Variants in AFAP1L2 observed in about 807,000 individuals in gnomAD.
AFAP1L2 encodes the protein actin filament-associated protein 1-like 2.
AFAP1L2 carries 46 observed loss-of-function variants against 99.3 expected under a neutral mutation model. The observed-to-expected ratio is 0.46, with a 90% confidence interval of 0.37 to 0.59. The LOEUF (loss-of-function observed/expected upper bound fraction) is 0.59, where lower values mean the gene tolerates loss of function less well. Among genes scored for constraint, AFAP1L2 ranks in the 20% least tolerant of loss-of-function variants. AFAP1L2 has a pLI of 0.00. For missense variants in AFAP1L2, 959 were observed against 1,034.9 expected (o/e 0.93, Z 1.01); for synonymous variants, 397 against 419.1 (o/e 0.95, Z 0.64).
intron 1 of AFAP1L2, among the ~76,000 whole-genome samples, chr10:114,375,542 G>T (rs1453147549): frequency 1.3e-5 from 2 of 152,054 alleles, no homozygotes; most frequent in Non-Finnish European, 2.9e-5. Context: ...TTTTTAGTGG[G>T]GGTAACATTT....
At chr10:114,289,739 A>C in the AFAP1L2 span, 1 of 553,524 alleles carries the variant, frequency 1.8e-6, no homozygotes, top group Non-Finnish European at 3.2e-6. Flanking sequence ...GAATTTATGC[A>C]TTCCCTTTAA....
chr10:114,286,145 G>C, the AFAP1L2 span: 3 of 1,614,136 alleles, frequency 1.9e-6, no homozygotes, highest in Non-Finnish European at 2.5e-6. Flanking sequence ...GGAGTACCAG[G>C]ATGTGCCTGA....
chr10:114,332,784 A>G (rs1400061505), intron 3 of AFAP1L2, among the ~76,000 whole-genome samples: 1 of 152,244 alleles, frequency 6.6e-6, no homozygotes, highest in Admixed American at 6.5e-5. Flanking sequence ...ACGTTCCGCC[A>G]AAGTCAGCAC....
At chr10:114,282,679 T>C in the AFAP1L2 span, 213 of 963,246 alleles carry the variant, frequency 2.2e-4, 1 homozygote, top group Admixed American at 3.9e-3. Context: ...TGTGACTGGC[T>C]CCAGGGCAGA....
intron 1 of AFAP1L2, among the ~76,000 whole-genome samples, chr10:114,365,708 T>C (rs2053127568): frequency 7.2e-6 from 1 of 139,108 alleles, no homozygotes; most frequent in Non-Finnish European, 1.6e-5. Flanking sequence ...TTTTCTTTTT[T>C]CTTTCTCTCT....
chr10:114,331,168 T>C lies in AFAP1L2; in HGVS notation c.315+635A>G, dbSNP rs1350680545. Among the ~76,000 whole-genome samples the C allele has an allele frequency of 2.0e-5, 3 of 152,026 alleles. No homozygotes were observed. In the South Asian group the frequency reaches 6.2e-4, roughly 32 times the overall value. On this transcript the variant is annotated intron_variant, in intron 4 of 18. Coordinates refer to ENST00000304129, the MANE Select transcript of AFAP1L2 (RefSeq NM_001001936.3). ...GGAACGGGATTTTTTTTTTTCTATGTTTAATAAGAACTACTGGTAAGGTTC... is the reference window on the plus strand; with the variant it reads ...GGAACGGGATTTTTTTTTTTCTATGCTTAATAAGAACTACTGGTAAGGTTC...
rs749476426 is a variant in AFAP1L2 at position 114,301,366 on chromosome 10, C to T, written c.1530G>A (p.Glu510=). ...EELYDDVDLS[E]LTAAVEPTEE... Reference sequence around the variant, plus strand: ...GCCGGGTCCTTACCGCAGCTGTGAGCTCTGACAGGTCCACGTCGTCATACA... The same window carrying T: ...GCCGGGTCCTTACCGCAGCTGTGAGTTCTGACAGGTCCACGTCGTCATACA... The change falls in exon 13 of 19, where the codon GAG becomes GAA. Residue 510 remains glutamate, a synonymous_variant. Coordinates refer to ENST00000304129, the MANE Select transcript of AFAP1L2 (RefSeq NM_001001936.3). 2.4e-5 allele frequency: 39 copies of T among 1,613,962 alleles called. No individual in the cohort carries two copies. Among genetic ancestry groups the T allele is most frequent in the Non-Finnish European group, 3.2e-5 (38 of 1,179,896 alleles).
chr10:114,379,814 T>G (rs1370132197), intron 1 of AFAP1L2, among the ~76,000 whole-genome samples: 1 of 152,204 alleles, frequency 6.6e-6, no homozygotes, highest in Non-Finnish European at 1.5e-5. Context: ...TAAGCAGGTC[T>G]TTTCCTTGAG....
intron 2 of AFAP1L2, among the ~76,000 whole-genome samples, chr10:114,338,986 G>C (rs1048943739): frequency 2.0e-5 from 3 of 152,162 alleles, no homozygotes; most frequent in Non-Finnish European, 2.9e-5. Context: ...TATTGGGCAG[G>C]TTAAACTCTC....
intron 4 of AFAP1L2, among the ~76,000 whole-genome samples, chr10:114,326,517 G>A (rs139837523): frequency 6.6e-6 from 1 of 152,186 alleles, no homozygotes; most frequent in Non-Finnish European, 1.5e-5. Context: ...AGGGTAACTT[G>A]AATCTGTGCT....
chr10:114,386,140 C>A (rs966977598), intron 1 of AFAP1L2, among the ~76,000 whole-genome samples: 1 of 152,146 alleles, frequency 6.6e-6, no homozygotes, highest in Non-Finnish European at 1.5e-5. Context: ...CCCAGGCCCT[C>A]GGTAACCTCA....
At position 114,318,894 on chromosome 10, in the gene AFAP1L2, C is replaced by G. The variant is rs532843411; in HGVS notation, c.407-3129G>C. ...CTTGGCCAGGCATGGTGGCTCATGC[C>G]TGTAATTCCAGTACTTTGGAAGGCT... On this transcript the variant is annotated intron_variant, in intron 5 of 18. Coordinates refer to ENST00000304129, the MANE Select transcript of AFAP1L2 (RefSeq NM_001001936.3). Among the ~76,000 whole-genome samples, 78 of 152,220 alleles carry G rather than the reference C, an allele frequency of 5.1e-4. 2 individuals carry two copies. The South Asian group carries it at 0.015, about 29-fold the overall frequency.
rs750411935 is a variant in AFAP1L2 at position 114,297,248 on chromosome 10, G to C, written c.2279C>G (p.Thr760Ser). Residue 760 changes from threonine (T) to serine (S), a missense_variant, in exon 17 of 19, where the codon ACC (threonine) becomes AGC (serine). By Grantham distance (58) the Thr-to-Ser change is moderately conservative. Around this residue, in one of 2 missense-constraint regions of AFAP1L2, gnomAD observed 576 missense variants for 562.1 expected, o/e 1.02. Coordinates refer to ENST00000304129, the MANE Select transcript of AFAP1L2 (RefSeq NM_001001936.3). Reference protein sequence around the residue: ...GPVTLGTTVDTTHLENVSPRP... With the variant: ...GPVTLGTTVDSTHLENVSPRP... The stretch of plus-strand genomic sequence containing the variant: ...GGGGCTCACATTCTCCAGGTGGGTG[G>C]TGTCCACGGTGGTGCCTAACGTCAC... 2 of 1,613,998 alleles carry C rather than the reference G, an allele frequency of 1.2e-6. No homozygotes were observed. Among genetic ancestry groups the C allele is most frequent in the Non-Finnish European group, 1.7e-6 (2 of 1,179,988 alleles).
rs745890396 is a variant in AFAP1L2, at chr10:114,340,819, A to AC, written c.17-89dup. 3 of 1,574,754 alleles carry AC rather than the reference A, an allele frequency of 1.9e-6. No homozygotes were observed. The African/African-American group carries it at 4.1e-5, about 21-fold the overall frequency. ...ACACCTCGGGACCCTGCAGCCTCCCACCTCGAACCCTCTGGTCCCAAGAGG... is the reference window on the plus strand; with the variant it reads ...ACACCTCGGGACCCTGCAGCCTCCCACCCTCGAACCCTCTGGTCCCAAGAGG... On this transcript the variant is annotated intron_variant, in intron 1 of 18. Transcript: ENST00000304129.
chr10:114,336,232 C>A (rs895175316), intron 2 of AFAP1L2, among the ~76,000 whole-genome samples: 3 of 152,192 alleles, frequency 2.0e-5, no homozygotes, highest in African/African-American at 4.8e-5. Context: ...AGACCTTCTG[C>A]AATTGTGGGA....
Position 114,313,857 on chromosome 10 carries a change from G to A in AFAP1L2, c.792+14C>T, listed in dbSNP as rs373827227. 43 of 1,581,064 alleles carry A rather than the reference G, an allele frequency of 2.7e-5. No homozygotes were observed. Among genetic ancestry groups the A allele is most frequent in the Middle Eastern group, 1.7e-4 (1 of 5,892 alleles). ...CTCTAGGAACCCCTCCAAGTGGCTC[G>A]GTGTCGCCCTCACCCTGAGCCACTG... On this transcript the variant is annotated intron_variant, in intron 7 of 18. Coordinates refer to ENST00000304129, the MANE Select transcript of AFAP1L2 (RefSeq NM_001001936.3).
intron 1 of AFAP1L2, among the ~76,000 whole-genome samples, chr10:114,382,157 T>C (rs1029563117): frequency 6.6e-6 from 1 of 152,238 alleles, no homozygotes; most frequent in Non-Finnish European, 1.5e-5. Flanking sequence ...AGCAATTCTA[T>C]TCTGAGATTT....
chr10:114,338,329 G>T (rs759197098), intron 2 of AFAP1L2, among the ~76,000 whole-genome samples: 4 of 152,144 alleles, frequency 2.6e-5, no homozygotes, highest in South Asian at 2.1e-4. Context: ...GCCCTTGCAC[G>T]GTCCCTGACC....
chr10:114,333,754 T>C (rs1441429474), intron 2 of AFAP1L2, among the ~76,000 whole-genome samples: 1 of 152,120 alleles, frequency 6.6e-6, no homozygotes, highest in African/African-American at 2.4e-5. Context: ...GAGTTTGCAG[T>C]GAGCTGAGAT....
Sources: gnomAD v4.1 joint callset for allele counts (sites outside exome capture counted in the v4.1 genomes callset) on GRCh38, gnomAD v4.1.1 for gene constraint, gnomAD v4.1.1 regional missense constraint, MANE v1.5 for transcripts, NCBI Gene and HGNC (gene_info 2026-07-23, HGNC 2026-07-21) for gene names.